The following MARCHF7 variants were observed in gnomAD, a reference collection of about 807,000 sequenced individuals.
MARCHF7 encodes E3 ubiquitin-protein ligase MARCHF7.
In MARCHF7, 20 loss-of-function variants were observed where a neutral mutation model predicts 76.5. That is an observed-to-expected ratio of 0.26 (90% CI 0.18 to 0.38). The LOEUF is 0.38. Ranked by LOEUF, MARCHF7 falls within the 10% of genes least tolerant of loss-of-function variation. The pLI is 1.00. For missense variants in MARCHF7, 797 were observed against 812.9 expected, an observed-to-expected ratio of 0.98 and a Z score of 0.24; for synonymous variants, 295 against 293.0, an observed-to-expected ratio of 1.01 and a Z score of -0.07.
chr2:159,727,083 C>G (rs372675123), intron 3 of MARCHF7, among the ~76,000 whole-genome samples: 1 of 152,124 alleles, frequency 6.6e-6, no homozygotes, highest in Non-Finnish European at 1.5e-5. Context: ...TATTCCTGTT[C>G]TTGAGTGATG....
At chr2:159,714,868 A>G (rs1700855972) in intron 2 of MARCHF7, among the ~76,000 whole-genome samples, 1 of 152,194 alleles carries the variant, frequency 6.6e-6, no homozygotes, top group South Asian at 2.1e-4. Flanking sequence ...GCAGTGAGGT[A>G]TGATAGAGCT....
intron 4 of MARCHF7, chr2:159,733,058 TTTAG>T (rs56184202): frequency 0.33 from 199,313 of 603,156 alleles, 34,103 homozygotes; most frequent in South Asian, 0.43. Flanking sequence ...GTTATTTTTA[TTTAG>T]TTATAATTAT....
chr2:159,726,558 G>C lies in MARCHF7; in HGVS notation c.-14-2451G>C, dbSNP rs566088914. Among the ~76,000 whole-genome samples, 3 of 152,078 alleles carry C rather than the reference G, an allele frequency of 2.0e-5. No homozygotes were observed. The East Asian group carries it at 5.8e-4, about 29-fold the overall frequency. Reference sequence around the variant, plus strand: ...ATTACAGGCATGAGCCACCGCCCCCGGCCAGATACAGGTTTTAATTTAACA... The same window carrying C: ...ATTACAGGCATGAGCCACCGCCCCCCGCCAGATACAGGTTTTAATTTAACA... On this transcript the variant is annotated intron_variant, in intron 3 of 11. Coordinates refer to ENST00000409175, the MANE Select transcript of MARCHF7 (RefSeq NM_001282805.2).
At chr2:159,714,028 A>G (rs1029369027) in intron 1 of MARCHF7, among the ~76,000 whole-genome samples, 8 of 152,184 alleles carry the variant, frequency 5.3e-5, no homozygotes, top group Non-Finnish European at 1.2e-4. Context: ...CTATTTTCCC[A>G]GATAAAGCAC....
rs1407814503 is a variant in MARCHF7, at chr2:159,747,924, A to G, written c.634A>G (p.Ile212Val). ...NHQLPSEHQTILSSRDSRNSL... is the reference protein window; with the variant it reads ...NHQLPSEHQTVLSSRDSRNSL... ...CCAATTGCCTTCTGAACATCAGACC[A>G]TACTAAGTTCTAGGGACTCCAGAAA... is the stretch of plus-strand genomic sequence containing the variant. Residue 212 changes from isoleucine (I) to valine (V), a missense_variant, in exon 7 of 12, where the codon ATA (isoleucine) becomes GTA (valine). By Grantham distance (29) the Ile-to-Val change is conservative (BLOSUM62 3). Coordinates refer to ENST00000409175, the MANE Select transcript of MARCHF7 (RefSeq NM_001282805.2). 6.2e-7 allele frequency: 1 copy of G among 1,614,160 alleles called. No homozygotes were observed. The highest frequency in any genetic ancestry group is 8.5e-7 in the Non-Finnish European group (1 of 1,180,028).
At chr2:159,740,356 A>C (rs1448328893) in intron 4 of MARCHF7, among the ~76,000 whole-genome samples, 1 of 152,212 alleles carries the variant, frequency 6.6e-6, no homozygotes, top group Non-Finnish European at 1.5e-5. Flanking sequence ...GTTTGTACAA[A>C]TGTATTCAAT....
intron 4 of MARCHF7, chr2:159,733,512 A>G (rs1359619679): frequency 1.0e-6 from 1 of 982,962 alleles, no homozygotes; most frequent in African/African-American, 1.8e-5. Context: ...TGCTGGGATT[A>G]CAGGCATGAG....
chr2:159,715,146 A>G (rs907909002), intron 2 of MARCHF7, among the ~76,000 whole-genome samples: 1 of 152,222 alleles, frequency 6.6e-6, no homozygotes, highest in African/African-American at 2.4e-5. Context: ...GAAGCTTTTA[A>G]CTGTTAAATA....
At chr2:159,757,612 C>T (rs1008360822) in intron 8 of MARCHF7, among the ~76,000 whole-genome samples, 10 of 152,220 alleles carry the variant, frequency 6.6e-5, no homozygotes, top group Non-Finnish European at 1.0e-4. Context: ...CACTGCACTC[C>T]AGGCTAGGCA....
chr2:159,747,040 G>A (rs889344474), intron 6 of MARCHF7, among the ~76,000 whole-genome samples: 17 of 152,156 alleles, frequency 1.1e-4, no homozygotes, highest in Non-Finnish European at 1.6e-4. Flanking sequence ...TATCAGCAGA[G>A]TAGTAATTTA....
intron 9 of MARCHF7, among the ~76,000 whole-genome samples, chr2:159,760,068 A>G (rs975995462): frequency 4.6e-5 from 7 of 152,196 alleles, no homozygotes; most frequent in African/African-American, 1.7e-4. Context: ...AAACATTTTC[A>G]TCACTCCAAA....
At chr2:159,714,843 C>T (rs3210325) in intron 2 of MARCHF7, among the ~76,000 whole-genome samples, 1 of 152,032 alleles carries the variant, frequency 6.6e-6, no homozygotes, top group Non-Finnish European at 1.5e-5. Flanking sequence ...TTTGAGCTCA[C>T]GAGTTGCAGA....
intron 3 of MARCHF7, among the ~76,000 whole-genome samples, chr2:159,718,029 C>T (rs1318915378): frequency 2.0e-5 from 3 of 152,214 alleles, no homozygotes; most frequent in Non-Finnish European, 4.4e-5. Flanking sequence ...AACCTTCATG[C>T]TGATGGTATT....
At chr2:159,746,359 G>A (rs773868182) in intron 6 of MARCHF7, among the ~76,000 whole-genome samples, 1 of 152,186 alleles carries the variant, frequency 6.6e-6, no homozygotes, top group Non-Finnish European at 1.5e-5. Flanking sequence ...ACATGGATGT[G>A]CCTCTAGTTT....
chr2:159,764,773 C>T (rs1707560384), intron 11 of MARCHF7, 99 bp downstream of exon 11: 2 of 800,880 alleles, frequency 2.5e-6, no homozygotes, highest in Non-Finnish European at 3.9e-6. Flanking sequence ...CAAATTAGAG[C>T]TCATTTATAG....
chr2:159,738,759 C>A (rs1253653376), intron 4 of MARCHF7, among the ~76,000 whole-genome samples: 3 of 152,218 alleles, frequency 2.0e-5, no homozygotes, highest in Admixed American at 6.5e-5. Context: ...TAAGTTCTCA[C>A]TCCGGTCCGT....
chr2:159,723,252 T>TA (rs1701824007), intron 3 of MARCHF7, among the ~76,000 whole-genome samples: 1 of 152,244 alleles, frequency 6.6e-6, no homozygotes, highest in Admixed American at 6.5e-5. Flanking sequence ...TGTATGGACT[T>TA]ACCAAATACG....
intron 4 of MARCHF7, among the ~76,000 whole-genome samples, chr2:159,739,528 C>T (rs1016355900): frequency 6.6e-6 from 1 of 152,156 alleles, no homozygotes; most frequent in Non-Finnish European, 1.5e-5. Context: ...ATTCGTCATG[C>T]CCAATGTGGT....
chr2:159,731,909 C>A (rs1364888674), intron 4 of MARCHF7, among the ~76,000 whole-genome samples: 2 of 151,174 alleles, frequency 1.3e-5, no homozygotes, highest in East Asian at 3.9e-4. Flanking sequence ...TCGAGACCAT[C>A]CTGGCTAACA....
Sources: gnomAD v4.1 joint callset for allele counts (sites outside exome capture counted in the v4.1 genomes callset) on GRCh38, gnomAD v4.1.1 for gene constraint, MANE v1.5 for transcripts, NCBI Gene and HGNC (gene_info 2026-07-23, HGNC 2026-07-21) for gene names.